The following CHAT variants were observed in gnomAD, a reference collection of about 807,000 sequenced individuals.
The protein encoded by CHAT is choline O-acetyltransferase, also known as acetyl CoA:choline O-acetyltransferase.
In CHAT, 61 loss-of-function variants were observed where a neutral mutation model predicts 76.9. The ratio of observed to expected loss-of-function variants is 0.79; its 90% CI spans 0.65 to 0.98. CHAT has a LOEUF of 0.98. Ranked by LOEUF, CHAT falls within the 50% of genes least tolerant of loss-of-function variation. CHAT has a pLI of 0.00. For synonymous variants in CHAT, 407 were observed against 397.4 expected (o/e 1.02, Z -0.29); for missense variants, 946 against 986.9 (o/e 0.96, Z 0.56).
chr10:49,643,080 C>T (rs962547330), intron 7 of CHAT, among the ~76,000 whole-genome samples: 12 of 152,216 alleles, frequency 7.9e-5, no homozygotes, highest in African/African-American at 2.9e-4. Context: ...ACAAGAGAAA[C>T]CTTGTAAATG....
At chr10:49,652,909 G>A (rs892525962) in intron 11 of CHAT, among the ~76,000 whole-genome samples, 9 of 151,928 alleles carry the variant, frequency 5.9e-5, no homozygotes, top group Admixed American at 2.0e-4. Flanking sequence ...TCCATCCCTC[G>A]AAGCCTTTCC....
At chr10:49,616,391 G>T (rs1483013351) in intron 1 of CHAT, 111 bp from the exon 2 acceptor site, 15 of 844,484 alleles carry the variant, frequency 1.8e-5, no homozygotes, top group Non-Finnish European at 3.0e-5. Context: ...ACAGCTGTCA[G>T]GCTCTGGCCT....
At chr10:49,645,130 T>C (rs1839614958) in intron 7 of CHAT, among the ~76,000 whole-genome samples, 1 of 152,204 alleles carries the variant, frequency 6.6e-6, no homozygotes, top group Non-Finnish European at 1.5e-5. Flanking sequence ...AGTATAGCTC[T>C]AGTTTGTTAT....
intron 13 of CHAT, among the ~76,000 whole-genome samples, chr10:49,659,790 G>A (rs759692174): frequency 3.3e-5 from 5 of 151,694 alleles, no homozygotes; most frequent in Non-Finnish European, 5.9e-5. Flanking sequence ...TGAACCCAGG[G>A]GGTGGAAGTT....
chr10:49,617,020 A>G lies in CHAT; in HGVS notation c.387+418A>G, dbSNP rs74467786. Among the ~76,000 whole-genome samples the G allele has an allele frequency of 4.6e-3, 696 of 152,214 alleles. 4 individuals carry two copies. Among genetic ancestry groups the G allele is most frequent in the African/African-American group, 0.015 (630 of 41,532 alleles). On this transcript the variant is annotated intron_variant, in intron 2 of 14. Transcript: ENST00000337653. ...GTTCAGCCTTGGAGCCTTAGGCACC[A>G]TGTTCTCCACTGGCCTGAGACAATG...
intron 13 of CHAT, among the ~76,000 whole-genome samples, 199 bp downstream of exon 13, chr10:49,655,647 G>A (rs1003157265): frequency 6.6e-6 from 1 of 152,226 alleles, no homozygotes; most frequent in Non-Finnish European, 1.5e-5. Flanking sequence ...TTTTGACATG[G>A]ATTTTATAAG....
intron 5 of CHAT, among the ~76,000 whole-genome samples, chr10:49,623,727 T>C (rs530864475): frequency 1.3e-5 from 2 of 152,304 alleles, no homozygotes; most frequent in Non-Finnish European, 2.9e-5. Context: ...GCCATGTCCG[T>C]AAGTGCACCA....
At chr10:49,650,541 C>CATAATG (rs1262990134) in intron 10 of CHAT, among the ~76,000 whole-genome samples, 2 of 152,126 alleles carry the variant, frequency 1.3e-5, no homozygotes, top group Non-Finnish European at 2.9e-5. Context: ...TGTACAAGTT[C>CATAATG]ATAATGATGA....
intron 10 of CHAT, among the ~76,000 whole-genome samples, chr10:49,651,092 T>G (rs1327363369): frequency 6.6e-6 from 1 of 151,822 alleles, no homozygotes; most frequent in African/African-American, 2.4e-5. Context: ...GAGGGGCCCA[T>G]ACAAGTGGGT....
chr10:49,621,975 A>G, intron 4 of CHAT, 122 bp from the exon 5 acceptor site: 2 of 1,028,086 alleles, frequency 1.9e-6, no homozygotes, highest in South Asian at 1.3e-5. Flanking sequence ...AGGGAGGGAG[A>G]AGGGAGGGAA....
At chr10:49,623,243 G>A (rs1838794222) in intron 5 of CHAT, among the ~76,000 whole-genome samples, 2 of 152,080 alleles carry the variant, frequency 1.3e-5, no homozygotes, top group East Asian at 3.9e-4. Context: ...GCTGGGCCTG[G>A]GGACTTGGTG....
chr10:49,623,987 A>G (rs555753979), intron 5 of CHAT, among the ~76,000 whole-genome samples: 1 of 152,268 alleles, frequency 6.6e-6, no homozygotes, highest in African/African-American at 2.4e-5. Flanking sequence ...GGGTCAGTAA[A>G]ACAACAAAAT....
chr10:49,612,688 C>A (rs965451248), upstream of CHAT: 3 of 283,634 alleles, frequency 1.1e-5, no homozygotes, highest in Non-Finnish European at 2.1e-5. Flanking sequence ...GCGGCGCCTC[C>A]GCCCAAATCA....
intron 13 of CHAT, among the ~76,000 whole-genome samples, chr10:49,658,409 C>T (rs1047104603): frequency 5.9e-5 from 9 of 152,116 alleles, no homozygotes; most frequent in African/African-American, 1.7e-4. Flanking sequence ...CCCAGCTACT[C>T]GGGAAGGCTG....
chr10:49,621,749 T>A (rs148963801), intron 4 of CHAT, among the ~76,000 whole-genome samples: 1,898 of 152,242 alleles, frequency 0.012, 50 homozygotes, highest in African/African-American at 0.043. Context: ...CTCTTCAAGA[T>A]GATTCCAGTT....
At position 49,646,742 on chromosome 10, in the gene CHAT, G is replaced by A. The variant is rs1047280580; in HGVS notation, c.1281+68G>A. On this transcript the variant is annotated intron_variant, in intron 8 of 14. Transcript: ENST00000337653. ...CAGCGAGAGAGTGAGTAGGCAAGCG[G>A]GCACAGCCTGGTGCCCAGGCCCGCA... The A allele has an allele frequency of 5.8e-6, 9 of 1,554,728 alleles. No individual in the cohort carries two copies. The African/African-American group carries it at 1.1e-4, about 19-fold the overall frequency.
chr10:49,610,732 G>A (rs1248809873), upstream of CHAT: 3 of 1,505,642 alleles, frequency 2.0e-6, no homozygotes, highest in African/African-American at 2.8e-5. Context: ...AGAGCATCGG[G>A]GTGGGGGCAT....
chr10:49,614,566 C>CTCTCGGCCCCGGT, intron 1 of CHAT, 91 bp downstream of exon 1: 1 of 1,065,158 alleles, frequency 9.4e-7, no homozygotes, highest in Non-Finnish European at 1.3e-6. Context: ...GCACCGGGGC[C>CTCTCGGCCCCGGT]GAGAGGCCCC....
Position 49,667,918 on chromosome 10 carries a change from T to G in CHAT, c.*2872T>G, listed in dbSNP as rs1338699800. ...ATTTAAAAATTGTTCTAAGTCTATA[T>G]TCAATAAAAAGTAATGCCAAGAAAG... On this transcript the variant is annotated 3_prime_UTR_variant, in exon 15 of 15. Coordinates refer to ENST00000337653, the MANE Select transcript of CHAT (RefSeq NM_020549.5). Among the ~76,000 whole-genome samples the G allele has an allele frequency of 6.6e-6, 1 of 152,220 alleles. No homozygotes were observed. Among genetic ancestry groups the G allele is most frequent in the Non-Finnish European group, 1.5e-5 (1 of 68,026 alleles).
Sources: gnomAD v4.1 joint callset for allele counts (sites outside exome capture counted in the v4.1 genomes callset) on GRCh38, gnomAD v4.1.1 for gene constraint, MANE v1.5 for transcripts, NCBI Gene and HGNC (gene_info 2026-07-23, HGNC 2026-07-21) for gene names.